The following FAT3 variants were observed in gnomAD, a reference collection of about 807,000 sequenced individuals.
FAT3 encodes protocadherin Fat 3.
A neutral mutation model predicts 310.2 loss-of-function variants in FAT3; 95 were observed. That is an observed-to-expected ratio of 0.31 (90% confidence interval 0.26 to 0.36). The LOEUF (loss-of-function observed/expected upper bound fraction) is 0.36. Ranked by LOEUF, FAT3 falls within the 10% of genes least tolerant of loss-of-function variation. The pLI is 1.00. For synonymous variants in FAT3, 2,314 were observed against 2,192.9 expected (o/e 1.06, Z -1.54); for missense variants, 5,408 against 5,715.6 (o/e 0.95, Z 1.74).
At chr11:92,575,968 A>C (rs533882517) in intron 3 of FAT3, among the ~76,000 whole-genome samples, 1 of 152,314 alleles carries the variant, frequency 6.6e-6, no homozygotes, top group African/African-American at 2.4e-5. Context: ...TGAGGTTTAC[A>C]TACTAATTAC....
At chr11:92,603,032 T>G (rs549626815) in intron 3 of FAT3, among the ~76,000 whole-genome samples, 45 of 152,352 alleles carry the variant, frequency 3.0e-4, no homozygotes, top group Non-Finnish European at 4.9e-4. Flanking sequence ...ACTTTCAGTA[T>G]GCATACTGTG....
At chr11:92,828,047 G>A (rs1452279885) in intron 13 of FAT3, among the ~76,000 whole-genome samples, 1 of 152,066 alleles carries the variant, frequency 6.6e-6, no homozygotes, top group African/African-American at 2.4e-5. Flanking sequence ...ATGGATTAAT[G>A]TTATACCTTA....
At chr11:92,320,161 C>A (rs749140059) in intron 1 of FAT3, among the ~76,000 whole-genome samples, 2 of 152,050 alleles carry the variant, frequency 1.3e-5, no homozygotes, top group Admixed American at 6.5e-5. Flanking sequence ...AAAGTAATTG[C>A]GATTTTTGCA....
chr11:92,808,653 C>T (rs1376487554), intron 12 of FAT3, among the ~76,000 whole-genome samples: 4 of 152,096 alleles, frequency 2.6e-5, no homozygotes, highest in African/African-American at 2.4e-5. Context: ...TTGGCCAGCA[C>T]GGTGGCTCAC....
intron 13 of FAT3, among the ~76,000 whole-genome samples, chr11:92,820,482 A>G (rs893185469): frequency 1.3e-5 from 2 of 152,148 alleles, no homozygotes; most frequent in South Asian, 2.1e-4. Flanking sequence ...GGAGATCACA[A>G]TTCAGTCTAT....
chr11:92,591,792 G>T (rs537224071), intron 3 of FAT3, among the ~76,000 whole-genome samples: 1 of 152,100 alleles, frequency 6.6e-6, no homozygotes. Context: ...TTTGACATAC[G>T]AATTGTTGCA....
chr11:92,890,772 A>C lies in FAT3; in HGVS notation c.13429A>C (p.Thr4477Pro), dbSNP rs771079227. 6.2e-7 allele frequency: 1 copy of C among 1,613,758 alleles called. No homozygotes were observed. The highest frequency in any genetic ancestry group is 8.5e-7 in the Non-Finnish European group (1 of 1,179,846). Residue 4477 changes from threonine to proline, a missense_variant, in exon 28 of 28, where the codon ACA becomes CCA. Physicochemically the swap from Thr to Pro is conservative, Grantham distance 38. Coordinates refer to ENST00000525166, the MANE Select transcript of FAT3 (RefSeq NM_001367949.2). ...PPSQPVSLAS[T>P]LSPDCRRRPQ... Reference sequence around the variant, plus strand: ...CTCCCAGCCTGTCTCCCTGGCCAGCACACTGAGCCCAGACTGCAGGAGAAG... The same window carrying C: ...CTCCCAGCCTGTCTCCCTGGCCAGCCCACTGAGCCCAGACTGCAGGAGAAG...
At chr11:92,237,736 A>G (rs1460061065) in intron 1 of FAT3, among the ~76,000 whole-genome samples, 1 of 152,112 alleles carries the variant, frequency 6.6e-6, no homozygotes, top group Non-Finnish European at 1.5e-5. Flanking sequence ...TCCTTCCAAA[A>G]AATACTCAGT....
At chr11:92,318,870 C>T (rs139065472) in intron 1 of FAT3, among the ~76,000 whole-genome samples, 2 of 152,130 alleles carry the variant, frequency 1.3e-5, no homozygotes, top group African/African-American at 2.4e-5. Context: ...CCCTATGACA[C>T]GAATGCTGGA....
intron 3 of FAT3, among the ~76,000 whole-genome samples, chr11:92,656,698 T>G (rs893537791): frequency 1.3e-5 from 2 of 152,230 alleles, no homozygotes; most frequent in African/African-American, 4.8e-5. Context: ...TACTTAGCAT[T>G]AATGGCATTC....
intron 3 of FAT3, among the ~76,000 whole-genome samples, chr11:92,639,107 C>G (rs1274439257): frequency 6.6e-6 from 1 of 152,130 alleles, no homozygotes; most frequent in African/African-American, 2.4e-5. Flanking sequence ...TGAATTAAGC[C>G]AGGCTGACTT....
intron 3 of FAT3, among the ~76,000 whole-genome samples, chr11:92,594,374 G>A (rs1939597463): frequency 6.6e-6 from 1 of 152,106 alleles, no homozygotes; most frequent in Non-Finnish European, 1.5e-5. Context: ...CCCAGGAGGT[G>A]GATGTTGCAG....
intron 3 of FAT3, among the ~76,000 whole-genome samples, chr11:92,535,831 T>TA (rs1478865670): frequency 6.6e-6 from 1 of 152,160 alleles, no homozygotes; most frequent in African/African-American, 2.4e-5. Flanking sequence ...GGAGTGTTTT[T>TA]ACAGAAGGCC....
At position 92,798,042 on chromosome 11, in the gene FAT3, C is replaced by A. The variant is rs748788205; in HGVS notation, c.5029C>A (p.Gln1677Lys). 2 of 1,613,830 alleles carry A rather than the reference C, an allele frequency of 1.2e-6. No individual in the cohort carries two copies. The highest frequency in any genetic ancestry group is 1.7e-6 in the Non-Finnish European group (2 of 1,179,860). Residue 1677 changes from glutamine (Q) to lysine (K), a missense_variant, in exon 10 of 28, where the codon CAA (glutamine) becomes AAA (lysine). By Grantham distance (53) the Gln-to-Lys change is moderately conservative (BLOSUM62 1). This residue lies in a region of FAT3 where 4,588 missense variants were observed against 4,809.8 expected (regional missense o/e 0.95). Transcript: ENST00000525166. ...CCCCAAGTTCATTCACAAAGACTACCAAGCAGAAGTAAATGAAAATGTTGA... is the reference window on the plus strand; with the variant it reads ...CCCCAAGTTCATTCACAAAGACTACAAAGCAGAAGTAAATGAAAATGTTGA... ...SHPKFIHKDYQAEVNENVDIG... is the reference protein window; with the variant it reads ...SHPKFIHKDYKAEVNENVDIG...
At chr11:92,479,620 A>G (rs1032430746) in intron 2 of FAT3, among the ~76,000 whole-genome samples, 1 of 152,106 alleles carries the variant, frequency 6.6e-6, no homozygotes, top group Non-Finnish European at 1.5e-5. Context: ...ACTCTTCTTT[A>G]TCAAAGGGAC....
intron 13 of FAT3, among the ~76,000 whole-genome samples, chr11:92,824,633 T>C (rs188353964): frequency 1.1e-4 from 16 of 152,318 alleles, no homozygotes; most frequent in Admixed American, 3.3e-4. Context: ...TTATTTCTCA[T>C]GTACATAATT....
chr11:92,482,131 G>T (rs1031798563), intron 2 of FAT3, among the ~76,000 whole-genome samples: 11 of 152,116 alleles, frequency 7.2e-5, no homozygotes, highest in African/African-American at 2.2e-4. Flanking sequence ...AGTACACATA[G>T]ATTTCATTCA....
chr11:92,831,895 G>C lies in FAT3; in HGVS notation c.9755G>C (p.Gly3252Ala). ...ACGGTGCCTGAGGACACCTCCCCTG[G>C]CACCCAAGTCCTTGCTGTTTTTGCC... ...LVTVPEDTSPGTQVLAVFATS... is the reference protein window; with the variant it reads ...LVTVPEDTSPATQVLAVFATS... The change falls in exon 14 of 28, where the codon GGC (glycine) becomes GCC (alanine). Residue 3252 changes from glycine (G) to alanine (A), a missense_variant. Coordinates refer to ENST00000525166, the MANE Select transcript of FAT3 (RefSeq NM_001367949.2). The C allele has an allele frequency of 6.2e-7, 1 of 1,612,324 alleles. No homozygotes were observed. Among genetic ancestry groups the C allele is most frequent in the Non-Finnish European group, 8.5e-7 (1 of 1,179,238 alleles).
chr11:92,581,315 G>A (rs1938785698), intron 3 of FAT3, among the ~76,000 whole-genome samples: 1 of 151,964 alleles, frequency 6.6e-6, no homozygotes, highest in Admixed American at 6.6e-5. Context: ...TCTCTGCCAT[G>A]TCCTGTCCAA....
Sources: allele counts gnomAD v4.1 joint callset (sites outside exome capture counted in the v4.1 genomes callset), GRCh38; gene constraint gnomAD v4.1.1; regional missense constraint gnomAD v4.1.1; transcripts MANE v1.5; gene names NCBI Gene and HGNC (gene_info 2026-07-23, HGNC 2026-07-21).